PACS1: variants seen among roughly 807,000 people sequenced by gnomAD.
PACS1 encodes the protein phosphofurin acidic cluster sorting protein 1.
In PACS1, 24 loss-of-function variants were observed where a neutral mutation model predicts 115.0. The observed-to-expected ratio is 0.21, with a 90% confidence interval of 0.15 to 0.29. PACS1 has a LOEUF of 0.29. PACS1 is among the 10% of genes least tolerant of loss of function. The pLI is 1.00. For synonymous variants in PACS1, 453 were observed against 504.5 expected (o/e 0.90, Z 1.37); for missense variants, 838 against 1,251.2 (o/e 0.67, Z 4.98).
At chr11:66,204,511 A>G (rs371282441) in intron 2 of PACS1, among the ~76,000 whole-genome samples, 1 of 152,146 alleles carries the variant, frequency 6.6e-6, no homozygotes, top group East Asian at 1.9e-4. Flanking sequence ...AAATAGTCCC[A>G]TGTAGCACTA....
chr11:66,098,725 C>T (rs536419117), intron 1 of PACS1, among the ~76,000 whole-genome samples: 12 of 152,230 alleles, frequency 7.9e-5, no homozygotes, highest in African/African-American at 2.9e-4. Context: ...CGTCTCTTCA[C>T]ACCCTCCAGT....
At chr11:66,185,897 ATTAC>A (rs879649143) in intron 1 of PACS1, among the ~76,000 whole-genome samples, 1 of 152,140 alleles carries the variant, frequency 6.6e-6, no homozygotes, top group African/African-American at 2.4e-5. Flanking sequence ...CCTGGTGAAC[ATTAC>A]TTAAAGATAG....
At chr11:66,217,748 A>T (rs891236897) in intron 7 of PACS1, 2 of 387,884 alleles carry the variant, frequency 5.2e-6, no homozygotes, top group Non-Finnish European at 1.0e-5. Flanking sequence ...GTGTGTCACC[A>T]GTACCCCAAA....
At chr11:66,194,405 A>C (rs1050207321) in intron 2 of PACS1, among the ~76,000 whole-genome samples, 1 of 152,252 alleles carries the variant, frequency 6.6e-6, no homozygotes, top group Non-Finnish European at 1.5e-5. Flanking sequence ...CAAGGGACCC[A>C]AAATATTTCA....
At chr11:66,204,480 T>C (rs11227426) in intron 2 of PACS1, among the ~76,000 whole-genome samples, 36,827 of 152,022 alleles carry the variant, frequency 0.24, 4,899 homozygotes, top group East Asian at 0.45. Flanking sequence ...GAAAATAGTA[T>C]GGAGTTTCCT....
rs764689853 is a variant in PACS1, at chr11:66,234,225, C to T, written c.2087C>T (p.Ser696Leu). ...GGTTGGAGAGATCTGTTCAGTCGCT[C>T]GGAGCCACCAGTGTCAGGTAATGGC... ...DSGWRDLFSR[S>L]EPPVSEQLDV... is the part of the protein sequence containing the mutation. Residue 696 changes from serine to leucine, a missense_variant, in exon 17 of 24, where the codon TCG becomes TTG. By Grantham distance (145) the Ser-to-Leu change is moderately radical. Transcript: ENST00000320580. 25 of 1,613,102 alleles carry T rather than the reference C, an allele frequency of 1.5e-5. No individual in the cohort carries two copies. Among genetic ancestry groups the T allele is most frequent in the African/African-American group, 8.0e-5 (6 of 74,890 alleles).
intron 1 of PACS1, among the ~76,000 whole-genome samples, chr11:66,179,585 T>C (rs1565136090): frequency 6.6e-6 from 1 of 152,300 alleles, no homozygotes; most frequent in East Asian, 1.9e-4. Flanking sequence ...ATATACCCAT[T>C]CTAATCAGAG....
chr11:66,208,161 T>C (rs919121650), intron 2 of PACS1, among the ~76,000 whole-genome samples: 1 of 152,118 alleles, frequency 6.6e-6, no homozygotes, highest in Non-Finnish European at 1.5e-5. Context: ...ACTTCCTTGG[T>C]CTCATTTTGG....
chr11:66,189,214 T>C (rs1854460795), intron 1 of PACS1, among the ~76,000 whole-genome samples: 1 of 152,192 alleles, frequency 6.6e-6, no homozygotes, highest in Admixed American at 6.5e-5. Context: ...AGTCATGCCA[T>C]TGAAAACAAA....
chr11:66,087,578 G>A (rs1438297762), intron 1 of PACS1, among the ~76,000 whole-genome samples: 5 of 152,212 alleles, frequency 3.3e-5, no homozygotes, highest in Non-Finnish European at 7.3e-5. Context: ...TTATGTTTAT[G>A]TGATGCATCC....
intron 1 of PACS1, among the ~76,000 whole-genome samples, chr11:66,129,365 G>A (rs1858651177): frequency 6.6e-6 from 1 of 151,650 alleles, no homozygotes; most frequent in Admixed American, 6.6e-5. Context: ...CTGGAAGGTG[G>A]AGGTGGCAGT....
In PACS1 at chr11:66,169,257, G is replaced by C. The variant is rs141141554; in HGVS notation, c.357-24229G>C. ...AGGACTTATCATAAATGGATGTTGA[G>C]TTTTACCAAATGCTTGATATAAATC... On this transcript the variant is annotated intron_variant, in intron 1 of 23. Transcript: ENST00000320580. 9.3e-5 allele frequency among the ~76,000 whole-genome samples: 14 copies of C among 150,704 alleles called. 1 individual carries two copies. Among genetic ancestry groups the C allele is most frequent in the African/African-American group, 3.2e-4 (13 of 40,076 alleles).
Position 66,235,345 on chromosome 11 carries a change from G to A in PACS1, c.2149G>A (p.Ala717Thr). The change falls in exon 18 of 24, where the codon GCA (alanine) becomes ACA (threonine). Residue 717 changes from alanine to threonine, a missense_variant. Coordinates refer to ENST00000320580, the MANE Select transcript of PACS1 (RefSeq NM_018026.4). This position sits in a 1 kb window ranked among gnomAD's most constrained non-coding sequence, Gnocchi z 5.6. ...AGRVMQYVNG[A>T]ATTHQLPVAE... ...GCGGGTGATGCAGTACGTCAACGGGGCAGCCACGACACACCAGCTTCCCGT... is the reference window on the plus strand; with the variant it reads ...GCGGGTGATGCAGTACGTCAACGGGACAGCCACGACACACCAGCTTCCCGT... The A allele has an allele frequency of 6.2e-7, 1 of 1,613,944 alleles. No homozygotes were observed. The highest frequency in any genetic ancestry group is 8.5e-7 in the Non-Finnish European group (1 of 1,179,922).
At chr11:66,197,635 A>T (rs1021362298) in intron 2 of PACS1, among the ~76,000 whole-genome samples, 2 of 152,062 alleles carry the variant, frequency 1.3e-5, no homozygotes, top group African/African-American at 4.8e-5. Flanking sequence ...CTTTACCAAA[A>T]ATAAAAACTA....
intron 1 of PACS1, among the ~76,000 whole-genome samples, chr11:66,154,673 C>T (rs1398902924): frequency 6.6e-6 from 1 of 152,132 alleles, no homozygotes; most frequent in Non-Finnish European, 1.5e-5. Context: ...GTATGTAAAA[C>T]TTACATACTG....
chr11:66,129,527 G>C (rs370384100), intron 1 of PACS1, among the ~76,000 whole-genome samples: 19 of 150,792 alleles, frequency 1.3e-4, no homozygotes, highest in East Asian at 5.8e-4. Flanking sequence ...GCCCAGGCTG[G>C]TCTCGAACTC....
At chr11:66,085,100 G>A (rs576740) in intron 1 of PACS1, among the ~76,000 whole-genome samples, 69,663 of 152,072 alleles carry the variant, frequency 0.46, 17,677 homozygotes, top group South Asian at 0.63. Flanking sequence ...AATAACTGTA[G>A]CCCCATAGCC....
At chr11:66,165,751 A>G (rs1859586520) in intron 1 of PACS1, among the ~76,000 whole-genome samples, 1 of 152,088 alleles carries the variant, frequency 6.6e-6, no homozygotes, top group African/African-American at 2.4e-5. Flanking sequence ...TAAAATATAT[A>G]TATGTATTAA....
At chr11:66,134,863 T>C (rs1055154684) in intron 1 of PACS1, among the ~76,000 whole-genome samples, 1 of 152,168 alleles carries the variant, frequency 6.6e-6, no homozygotes, top group Non-Finnish European at 1.5e-5. Context: ...ATCCTTCTTA[T>C]CTCCTCTTTG....
Sources: allele counts gnomAD v4.1 joint callset (sites outside exome capture counted in the v4.1 genomes callset), GRCh38; gene constraint gnomAD v4.1.1; non-coding constraint Gnocchi (gnomAD v3.1); transcripts MANE v1.5; gene names NCBI Gene and HGNC (gene_info 2026-07-23, HGNC 2026-07-21).